ATRNL1: variants seen among roughly 807,000 people sequenced by gnomAD.
ATRNL1 encodes the protein attractin like 1, also known as attractin-like protein 1.
A neutral mutation model predicts 182.7 loss-of-function variants in ATRNL1; 95 were observed. That is an observed-to-expected ratio of 0.52 (90% CI 0.44 to 0.62). ATRNL1 has a LOEUF of 0.62. ATRNL1 is among the 20% of genes least tolerant of loss of function. ATRNL1 has a pLI of 0.00. For missense variants in ATRNL1, 1,471 were observed against 1,679.5 expected (o/e 0.88, Z 2.17); for synonymous variants, 576 against 568.3 (o/e 1.01, Z -0.19).
chr10:115,593,426 A>G (rs1172113862), intron 26 of ATRNL1, among the ~76,000 whole-genome samples: 1 of 152,228 alleles, frequency 6.6e-6, no homozygotes, highest in Admixed American at 6.5e-5. Context: ...TAAAGATCCC[A>G]GAAGTAAATC....
chr10:115,338,248 T>C (rs1170895171), intron 19 of ATRNL1, among the ~76,000 whole-genome samples: 1 of 152,218 alleles, frequency 6.6e-6, no homozygotes, highest in African/African-American at 2.4e-5. Context: ...TTAAGGTTTA[T>C]ACCCAGCCAT....
chr10:115,385,593 T>TATCA (rs1398024102), intron 19 of ATRNL1, among the ~76,000 whole-genome samples: 17 of 152,268 alleles, frequency 1.1e-4, no homozygotes, highest in Middle Eastern at 3.4e-3. Context: ...TTTTCTTTGA[T>TATCA]ATTTTATACT....
At chr10:115,100,649 T>G (rs1843736273) in intron 1 of ATRNL1, among the ~76,000 whole-genome samples, 1 of 152,208 alleles carries the variant, frequency 6.6e-6, no homozygotes, top group Non-Finnish European at 1.5e-5. Flanking sequence ...TTGATTATTG[T>G]TTCTTTGTAA....
chr10:115,589,936 A>G (rs1294975766), intron 26 of ATRNL1, among the ~76,000 whole-genome samples: 1 of 152,198 alleles, frequency 6.6e-6, no homozygotes, highest in Non-Finnish European at 1.5e-5. Context: ...TTTTCTGTGT[A>G]AAACCGAATT....
At chr10:115,599,122 CA>C (rs1555015156) in intron 26 of ATRNL1, among the ~76,000 whole-genome samples, 2 of 152,132 alleles carry the variant, frequency 1.3e-5, no homozygotes, top group Admixed American at 6.5e-5. Flanking sequence ...ATAATAAGAA[CA>C]AGCTTAAAGT....
chr10:115,915,259 G>A (rs1337152025), intron 28 of ATRNL1, among the ~76,000 whole-genome samples: 2 of 152,074 alleles, frequency 1.3e-5, no homozygotes, highest in African/African-American at 2.4e-5. Context: ...TTAGCCAGGC[G>A]TGGTGGCGGG....
At chr10:115,274,921 GTTA>G (rs1852037267) in intron 13 of ATRNL1, among the ~76,000 whole-genome samples, 1 of 152,154 alleles carries the variant, frequency 6.6e-6, no homozygotes, top group South Asian at 2.1e-4. Context: ...ATAATTCACT[GTTA>G]TTCTCCAAAA....
intron 26 of ATRNL1, among the ~76,000 whole-genome samples, chr10:115,567,965 C>T (rs75507618): frequency 0.021 from 3,154 of 152,100 alleles, 53 homozygotes; most frequent in Admixed American, 0.034. Flanking sequence ...TACTGTCATC[C>T]TTTATCTAGT....
intron 26 of ATRNL1, among the ~76,000 whole-genome samples, chr10:115,596,398 G>A (rs1555013972): frequency 1.3e-5 from 2 of 152,108 alleles, no homozygotes; most frequent in Admixed American, 6.5e-5. Flanking sequence ...GAGCCACCAC[G>A]CCCGGCCCGT....
chr10:115,541,934 T>C (rs111574268), intron 25 of ATRNL1, among the ~76,000 whole-genome samples: 4,019 of 152,262 alleles, frequency 0.026, 149 homozygotes, highest in African/African-American at 0.09. Flanking sequence ...TATTGTGTTA[T>C]ACATTAATGA....
At chr10:115,653,046 T>C (rs1039240615) in intron 26 of ATRNL1, among the ~76,000 whole-genome samples, 1 of 152,172 alleles carries the variant, frequency 6.6e-6, no homozygotes. Context: ...ACTCTTAAAC[T>C]GTAAACTAAA....
At position 115,223,927 on chromosome 10, in the gene ATRNL1, A is replaced by ATTTTTTTTTTTTT. The variant is rs1849582902; in HGVS notation, c.1532+8048_1532+8049insTTTTTTTTTTTTT. ...TGTGTGTGTGTGTATATATATATAT[A>ATTTTTTTTTTTTT]TATTTTTTTTTTTTTTTTTTTTCTT... is the stretch of plus-strand genomic sequence containing the variant. On this transcript the variant is annotated intron_variant, in intron 9 of 28. Coordinates refer to ENST00000355044, the MANE Select transcript of ATRNL1 (RefSeq NM_207303.4). Among the ~76,000 whole-genome samples, 3 of 38,166 alleles carry ATTTTTTTTTTTTT rather than the reference A, an allele frequency of 7.9e-5. 1 individual carries two copies. Among genetic ancestry groups the ATTTTTTTTTTTTT allele is most frequent in the Non-Finnish European group, 1.3e-4 (2 of 15,092 alleles). The allele number at this position is 38,166 out of a possible 152,430, so 25.0% of individuals were successfully genotyped here.
At chr10:115,584,598 T>C (rs1472284765) in intron 26 of ATRNL1, among the ~76,000 whole-genome samples, 1 of 146,042 alleles carries the variant, frequency 6.8e-6, no homozygotes, top group Non-Finnish European at 1.5e-5. Flanking sequence ...TGGTGATATC[T>C]CCTTTATCAT....
intron 21 of ATRNL1, among the ~76,000 whole-genome samples, chr10:115,447,434 C>T (rs564435413): frequency 1.5e-4 from 23 of 151,282 alleles, no homozygotes; most frequent in Non-Finnish European, 3.2e-4. Flanking sequence ...TTATTGAGTA[C>T]TTTATATATG....
intron 24 of ATRNL1, among the ~76,000 whole-genome samples, chr10:115,508,771 G>A (rs1326113861): frequency 3.3e-5 from 5 of 152,016 alleles, no homozygotes; most frequent in Non-Finnish European, 4.4e-5. Context: ...TGAGGTTTAA[G>A]TAAGGAAGCC....
intron 1 of ATRNL1, chr10:115,096,744 TG>T (rs2085020840): frequency 7.8e-7 from 1 of 1,283,522 alleles, no homozygotes; most frequent in Admixed American, 2.3e-5. Flanking sequence ...GTATCAAAAG[TG>T]GTACTTCAGT....
chr10:115,364,451 C>G (rs1311983593), intron 19 of ATRNL1, among the ~76,000 whole-genome samples: 1 of 148,398 alleles, frequency 6.7e-6, no homozygotes, highest in African/African-American at 2.5e-5. Flanking sequence ...GATATACAAT[C>G]ATATCGTCTG....
At chr10:115,648,615 C>T (rs1478109780) in intron 26 of ATRNL1, among the ~76,000 whole-genome samples, 2 of 152,054 alleles carry the variant, frequency 1.3e-5, no homozygotes, top group African/African-American at 4.8e-5. Flanking sequence ...AGATATAGAC[C>T]AACGAAATGG....
At chr10:115,303,617 T>C (rs115504883) in intron 17 of ATRNL1, among the ~76,000 whole-genome samples, 1,732 of 152,280 alleles carry the variant, frequency 0.011, 28 homozygotes, top group African/African-American at 0.039. Flanking sequence ...AAATCAGAAG[T>C]TCTTTTGCTT....
Sources: allele counts gnomAD v4.1 joint callset (sites outside exome capture counted in the v4.1 genomes callset), GRCh38; gene constraint gnomAD v4.1.1; transcripts MANE v1.5; gene names NCBI Gene and HGNC (gene_info 2026-07-23, HGNC 2026-07-21).